NCAM2: variants seen among roughly 807,000 people sequenced by gnomAD.
The protein encoded by NCAM2 is neural cell adhesion molecule 2.
Under a neutral mutation model 98.1 loss-of-function variants are expected in NCAM2, and 30 were observed. The ratio of observed to expected loss-of-function variants is 0.31; its 90% CI spans 0.23 to 0.41. NCAM2 has a LOEUF of 0.41. Among genes scored for constraint, NCAM2 ranks in the 10% least tolerant of loss-of-function variants. NCAM2 has a pLI of 1.00. For missense variants in NCAM2, 867 were observed against 1,005.8 expected, an observed-to-expected ratio of 0.86 and a Z score of 1.87; for synonymous variants, 368 against 342.4, an observed-to-expected ratio of 1.07 and a Z score of -0.83.
chr21:21,053,639 G>A (rs911071624), intron 1 of NCAM2, among the ~76,000 whole-genome samples: 9 of 149,304 alleles, frequency 6.0e-5, no homozygotes, highest in Admixed American at 1.3e-4. Context: ...TTTCTAATGC[G>A]CTATCATTTT....
At chr21:21,348,192 A>G (rs1431038320) in intron 8 of NCAM2, among the ~76,000 whole-genome samples, 1 of 152,136 alleles carries the variant, frequency 6.6e-6, no homozygotes, top group East Asian at 1.9e-4. Context: ...TTTAGATGAC[A>G]TGGTCATATA....
chr21:21,229,406 C>T (rs1291831398), intron 1 of NCAM2, among the ~76,000 whole-genome samples: 1 of 151,454 alleles, frequency 6.6e-6, no homozygotes, highest in Non-Finnish European at 1.5e-5. Flanking sequence ...TAAGATGTCA[C>T]TTTAACAACT....
At chr21:21,522,065 A>G (rs1006794598) in intron 16 of NCAM2, among the ~76,000 whole-genome samples, 5 of 148,196 alleles carry the variant, frequency 3.4e-5, no homozygotes, top group African/African-American at 9.8e-5. Context: ...AATGAATAGT[A>G]TATATATTTT....
intron 1 of NCAM2, among the ~76,000 whole-genome samples, chr21:21,108,917 C>T (rs1047179400): frequency 5.3e-5 from 8 of 152,082 alleles, no homozygotes; most frequent in Admixed American, 3.9e-4. Context: ...TGCTAACTCT[C>T]GGGTATCACC....
chr21:21,147,908 G>T (rs547215199), intron 1 of NCAM2, among the ~76,000 whole-genome samples: 2 of 151,454 alleles, frequency 1.3e-5, no homozygotes, highest in African/African-American at 2.4e-5. Context: ...ATAATAGGAT[G>T]AATAACATAT....
intron 1 of NCAM2, among the ~76,000 whole-genome samples, chr21:21,149,496 G>A (rs1434581170): frequency 1.3e-5 from 2 of 151,934 alleles, no homozygotes; most frequent in African/African-American, 4.8e-5. Context: ...TTTGCTGCAC[G>A]TATCAACCCA....
chr21:21,315,297 G>C (rs1232327150), intron 5 of NCAM2, among the ~76,000 whole-genome samples: 3 of 152,168 alleles, frequency 2.0e-5, no homozygotes, highest in Non-Finnish European at 2.9e-5. Context: ...GCACAGGTCA[G>C]GACAGAGCTC....
At chr21:21,529,206 C>T (rs1989491513) in intron 16 of NCAM2, among the ~76,000 whole-genome samples, 1 of 151,960 alleles carries the variant, frequency 6.6e-6, no homozygotes, top group Non-Finnish European at 1.5e-5. Context: ...TACATGAATA[C>T]CCGCTCCTCA....
chr21:21,444,959 T>A (rs13049288), intron 12 of NCAM2, among the ~76,000 whole-genome samples: 3,919 of 152,262 alleles, frequency 0.026, 73 homozygotes, highest in Middle Eastern at 0.075. Flanking sequence ...AGCTTTCTGA[T>A]GTAGACAATT....
intron 1 of NCAM2, among the ~76,000 whole-genome samples, chr21:21,052,483 G>A (rs1733454538): frequency 6.6e-6 from 1 of 151,760 alleles, no homozygotes; most frequent in Admixed American, 6.6e-5. Flanking sequence ...TTCTATTTCA[G>A]GTGTGACTTC....
chr21:21,045,382 G>T (rs2064988486), intron 1 of NCAM2, among the ~76,000 whole-genome samples: 1 of 152,186 alleles, frequency 6.6e-6, no homozygotes, highest in African/African-American at 2.4e-5. Context: ...GGAAGCTCAT[G>T]CCTGTAATTC....
intron 6 of NCAM2, among the ~76,000 whole-genome samples, chr21:21,327,185 G>A (rs964316647): frequency 2.0e-5 from 3 of 151,804 alleles, no homozygotes; most frequent in African/African-American, 7.3e-5. Flanking sequence ...GTACGCGCCT[G>A]TAGTCCCAGC....
At chr21:21,141,976 G>C (rs1029903502) in intron 1 of NCAM2, among the ~76,000 whole-genome samples, 25 of 152,168 alleles carry the variant, frequency 1.6e-4, no homozygotes, top group African/African-American at 5.5e-4. Context: ...ATGATAGATA[G>C]AGATAAATGG....
At chr21:21,414,960 T>C (rs1426606386) in intron 10 of NCAM2, among the ~76,000 whole-genome samples, 1 of 152,042 alleles carries the variant, frequency 6.6e-6, no homozygotes, top group Non-Finnish European at 1.5e-5. Flanking sequence ...TTTTTTTTTT[T>C]TTTCTCAGCA....
chr21:21,295,140 T>C (rs1402698801), intron 5 of NCAM2, among the ~76,000 whole-genome samples: 1 of 151,864 alleles, frequency 6.6e-6, no homozygotes, highest in Non-Finnish European at 1.5e-5. Flanking sequence ...TTTTTTCACA[T>C]GCAGCGCTTC....
chr21:21,355,560 A>AGAAG lies in NCAM2; in HGVS notation c.1044+17046_1044+17049dup, dbSNP rs576381683. Among the ~76,000 whole-genome samples, 1,069 of 150,004 alleles carry AGAAG rather than the reference A, an allele frequency of 7.1e-3. 12 individuals are homozygous for AGAAG. Among genetic ancestry groups the AGAAG allele is most frequent in the African/African-American group, 0.024 (987 of 40,696 alleles). ...AGGGAGAGAGGGAGGGACGGAGGAA[A>AGAAG]GAAGGAAGGAAGGAAGGAAGGAAAA... is the stretch of plus-strand genomic sequence containing the variant. On this transcript the variant is annotated intron_variant, in intron 8 of 17. Coordinates refer to ENST00000400546, the MANE Select transcript of NCAM2 (RefSeq NM_004540.5).
chr21:21,172,109 CT>C (rs1226322347), intron 1 of NCAM2, among the ~76,000 whole-genome samples: 1 of 150,364 alleles, frequency 6.7e-6, no homozygotes, highest in Admixed American at 6.6e-5. Flanking sequence ...TTTTTTTTTC[CT>C]TTTTTTTCTG....
Position 21,521,667 on chromosome 21 carries a change from A to G in NCAM2, c.2282+12612A>G, listed in dbSNP as rs990705751. On this transcript the variant is annotated intron_variant, in intron 16 of 17. Coordinates refer to ENST00000400546, the MANE Select transcript of NCAM2 (RefSeq NM_004540.5). ...AGAAAGAATCTCTGAGCTTGAAGGT[A>G]TCTCAGCAGAAACTGCCAAAATGGA... 4.6e-5 allele frequency among the ~76,000 whole-genome samples: 7 copies of G among 152,278 alleles called. No individual in the cohort carries two copies. The East Asian group carries it at 1.2e-3, about 25-fold the overall frequency.
intron 1 of NCAM2, among the ~76,000 whole-genome samples, chr21:21,039,243 T>G (rs542635530): frequency 6.6e-6 from 1 of 152,172 alleles, no homozygotes; most frequent in Non-Finnish European, 1.5e-5. Context: ...TGGTCTACCT[T>G]CATGAGATCA....
Sources: gnomAD v4.1 joint callset for allele counts (sites outside exome capture counted in the v4.1 genomes callset) on GRCh38, gnomAD v4.1.1 for gene constraint, MANE v1.5 for transcripts, NCBI Gene and HGNC (gene_info 2026-07-23, HGNC 2026-07-21) for gene names.